Variants in KCNMA1 observed in about 807,000 individuals in gnomAD.
KCNMA1 encodes the protein Calcium-activated potassium channel subunit alpha-1.
Under a neutral mutation model 140.0 loss-of-function variants are expected in KCNMA1, and 29 were observed. The observed-to-expected ratio is 0.21, with a 90% CI of 0.15 to 0.28. The LOEUF is 0.28. Ranked by LOEUF, KCNMA1 falls within the 10% of genes least tolerant of loss-of-function variation. The probability of loss-of-function intolerance (pLI) is 1.00; values close to 1 mark genes in which losing one functional copy is unlikely to be tolerated. For synonymous variants in KCNMA1, 612 were observed against 611.9 expected (o/e 1.00, Z 0.00); for missense variants, 880 against 1,602.2 (o/e 0.55, Z 7.70).
intron 2 of KCNMA1, among the ~76,000 whole-genome samples, chr10:77,347,340 AG>A (rs2092321216): frequency 6.6e-6 from 1 of 152,224 alleles, no homozygotes; most frequent in South Asian, 2.1e-4. Context: ...TGGTCAGAAA[AG>A]TTAAGTAACC....
chr10:76,925,299 C>T (rs1410946279), intron 23 of KCNMA1, among the ~76,000 whole-genome samples: 13 of 152,068 alleles, frequency 8.5e-5, no homozygotes, highest in Admixed American at 8.5e-4. Flanking sequence ...ATTCTTAATT[C>T]CTGTTCTGGG....
At chr10:77,506,620 T>TGTGTGTGTGTGTG (rs1567212074) in intron 1 of KCNMA1, among the ~76,000 whole-genome samples, 6 of 104,188 alleles carry the variant, frequency 5.8e-5, no homozygotes, top group African/African-American at 2.0e-4. Flanking sequence ...TGTGTGTGTG[T>TGTGTGTGTGTGTG]TAGAGAGGGA....
At chr10:77,340,370 C>T (rs966656928) in intron 2 of KCNMA1, among the ~76,000 whole-genome samples, 7 of 152,078 alleles carry the variant, frequency 4.6e-5, no homozygotes, top group African/African-American at 1.7e-4. Context: ...GTATATATAC[C>T]CAAAGGATTA....
intron 14 of KCNMA1, among the ~76,000 whole-genome samples, chr10:77,068,811 A>G (rs567967296): frequency 1.4e-5 from 2 of 141,028 alleles, no homozygotes; most frequent in African/African-American, 5.2e-5. Context: ...GGAAGTCCCA[A>G]TGTACATTGA....
At chr10:77,237,884 T>C (rs2056076276) in intron 3 of KCNMA1, among the ~76,000 whole-genome samples, 1 of 152,172 alleles carries the variant, frequency 6.6e-6, no homozygotes, top group South Asian at 2.1e-4. Context: ...CCAGCATTCT[T>C]TTCAAGCAAA....
intron 1 of KCNMA1, among the ~76,000 whole-genome samples, chr10:77,572,547 C>T (rs1224082102): frequency 5.1e-5 from 4 of 78,920 alleles, no homozygotes; most frequent in Non-Finnish European, 7.2e-5. Flanking sequence ...AAAACTCTGT[C>T]GCTCCAAAAA....
chr10:77,438,025 T>C (rs909471823), intron 1 of KCNMA1, among the ~76,000 whole-genome samples: 4 of 151,982 alleles, frequency 2.6e-5, no homozygotes, highest in Non-Finnish European at 4.4e-5. Context: ...TGTAGAGAAG[T>C]TGGGAATCTA....
At chr10:77,006,907 G>C (rs989029159) in intron 18 of KCNMA1, among the ~76,000 whole-genome samples, 2 of 152,214 alleles carry the variant, frequency 1.3e-5, no homozygotes, top group South Asian at 2.1e-4. Flanking sequence ...ATTGAAGAAG[G>C]TCATCATTGT....
At chr10:77,198,674 G>C (rs73293963) in intron 3 of KCNMA1, among the ~76,000 whole-genome samples, 2,924 of 150,738 alleles carry the variant, frequency 0.019, 97 homozygotes, top group African/African-American at 0.067. Flanking sequence ...CTAATGTCAA[G>C]GCTACACTGG....
At chr10:76,877,591 C>T (rs937339726), downstream of KCNMA1, 4 of 677,582 alleles carry the variant, frequency 5.9e-6, no homozygotes, top group African/African-American at 5.5e-5. Context: ...TCAAGGCAGA[C>T]AAAGAGAAAG....
At chr10:76,927,847 G>A (rs2058160667) in intron 23 of KCNMA1, among the ~76,000 whole-genome samples, 1 of 152,198 alleles carries the variant, frequency 6.6e-6, no homozygotes, top group South Asian at 2.1e-4. Flanking sequence ...CTCCCACTGG[G>A]AACTGGAGGA....
chr10:76,889,644 G>T, intron 26 of KCNMA1, 75 bp from the exon 27 acceptor site: 1 of 1,136,244 alleles, frequency 8.8e-7, no homozygotes, highest in South Asian at 1.2e-5. Flanking sequence ...AGGGAAACGG[G>T]TCTTTTCATC....
chr10:77,039,228 T>C (rs1215415056), intron 15 of KCNMA1: 1 of 471,600 alleles, frequency 2.1e-6, no homozygotes, highest in African/African-American at 2.0e-5. Context: ...CCACTCTTCA[T>C]AAATGTGTCT....
At chr10:77,333,965 G>C (rs1195496665) in intron 2 of KCNMA1, among the ~76,000 whole-genome samples, 1 of 152,126 alleles carries the variant, frequency 6.6e-6, no homozygotes, top group Non-Finnish European at 1.5e-5. Flanking sequence ...GTGAATAAAT[G>C]AATAAAGAAA....
At chr10:77,341,830 A>G (rs287171) in intron 2 of KCNMA1, among the ~76,000 whole-genome samples, 128,537 of 152,242 alleles carry the variant, frequency 0.84, 54,486 homozygotes, top group African/African-American at 0.91. Flanking sequence ...TTTCTGGCCT[A>G]CCCCAGGATT....
chr10:77,092,026 A>G (rs1356687016), intron 9 of KCNMA1: 1 of 152,254 alleles, frequency 6.6e-6, no homozygotes, highest in African/African-American at 2.4e-5. Context: ...CGCAGCGGCC[A>G]CCAAGGTGAG....
intron 1 of KCNMA1, among the ~76,000 whole-genome samples, chr10:77,549,575 A>C (rs910022180): frequency 2.0e-5 from 3 of 152,258 alleles, no homozygotes; most frequent in African/African-American, 7.2e-5. Flanking sequence ...CAGCCCATGA[A>C]GAAGGCCAAA....
chr10:77,285,643 C>A (rs2070544080), intron 2 of KCNMA1, among the ~76,000 whole-genome samples: 1 of 151,552 alleles, frequency 6.6e-6, no homozygotes, highest in African/African-American at 2.4e-5. Flanking sequence ...ACTGAAATGA[C>A]TGGAATTTTC....
chr10:77,284,749 G>T (rs182143701), intron 2 of KCNMA1, among the ~76,000 whole-genome samples: 2 of 152,058 alleles, frequency 1.3e-5, no homozygotes, highest in East Asian at 3.9e-4. Context: ...CCTGACCTCA[G>T]GTGATCCTCC....
Sources: gnomAD v4.1 joint callset for allele counts (sites outside exome capture counted in the v4.1 genomes callset) on GRCh38, gnomAD v4.1.1 for gene constraint, MANE v1.5 for transcripts, NCBI Gene and HGNC (gene_info 2026-07-23, HGNC 2026-07-21) for gene names.